KCNQ3: variants seen among roughly 807,000 people sequenced by gnomAD.
KCNQ3 encodes potassium voltage-gated channel subfamily KQT member 3.
In KCNQ3, 30 loss-of-function variants were observed where a neutral mutation model predicts 92.5. The observed-to-expected ratio is 0.32, with a 90% CI of 0.24 to 0.44. The LOEUF is 0.44. Among genes scored for constraint, KCNQ3 ranks in the 20% least tolerant of loss-of-function variants. The pLI is 1.00. For missense variants in KCNQ3, 913 were observed against 1,140.3 expected (o/e 0.80, Z 2.87); for synonymous variants, 450 against 468.8 (o/e 0.96, Z 0.52).
chr8:132,394,106 ACT>A (rs1251923898), intron 1 of KCNQ3, among the ~76,000 whole-genome samples: 1 of 152,088 alleles, frequency 6.6e-6, no homozygotes, highest in African/African-American at 2.4e-5. Flanking sequence ...TAGAAACCTG[ACT>A]CTGATTCAGG....
intron 9 of KCNQ3, among the ~76,000 whole-genome samples, chr8:132,158,314 T>G (rs1181763935): frequency 6.6e-6 from 1 of 152,214 alleles, no homozygotes; most frequent in Non-Finnish European, 1.5e-5. Context: ...TGGAAGGTGT[T>G]TGATTGCCAA....
At chr8:132,478,069 T>C (rs1161978573) in intron 1 of KCNQ3, among the ~76,000 whole-genome samples, 1 of 152,224 alleles carries the variant, frequency 6.6e-6, no homozygotes, top group African/African-American at 2.4e-5. Context: ...ATTTGCATAT[T>C]TGCATATATA....
At chr8:132,305,923 C>A (rs143532942) in intron 1 of KCNQ3, among the ~76,000 whole-genome samples, 11 of 149,814 alleles carry the variant, frequency 7.3e-5, no homozygotes, top group African/African-American at 2.5e-4. Flanking sequence ...AATGTGTGGG[C>A]AAACTGAGTT....
At chr8:132,327,981 C>CT (rs1818109365) in intron 1 of KCNQ3, among the ~76,000 whole-genome samples, 1 of 152,128 alleles carries the variant, frequency 6.6e-6, no homozygotes, top group Non-Finnish European at 1.5e-5. Flanking sequence ...TCTCCAGACT[C>CT]TATCCCACAA....
intron 8 of KCNQ3, among the ~76,000 whole-genome samples, chr8:132,169,963 C>T (rs1826268306): frequency 6.6e-6 from 1 of 152,058 alleles, no homozygotes; most frequent in Non-Finnish European, 1.5e-5. Flanking sequence ...ACCTCCATTT[C>T]CTGGGTTCAA....
At chr8:132,191,004 G>A (rs559088703) in intron 1 of KCNQ3, among the ~76,000 whole-genome samples, 1 of 152,190 alleles carries the variant, frequency 6.6e-6, no homozygotes, top group Admixed American at 6.5e-5. Flanking sequence ...TATGTTTAGA[G>A]AATGAATACA....
rs112973006 is a variant in KCNQ3, at chr8:132,398,539, C to T, written c.386+81608G>A. On this transcript the variant is annotated intron_variant, in intron 1 of 14. Transcript: ENST00000388996. ...ATGTCAAAATCTCATTTGGGGTGCC[C>T]GAAGAACTCAACATTTCATTAAAGG... is the stretch of plus-strand genomic sequence containing the variant. Among the ~76,000 whole-genome samples the T allele has an allele frequency of 2.3e-3, 357 of 152,196 alleles. 2 individuals are homozygous for T. The highest frequency in any genetic ancestry group is 7.7e-3 in the African/African-American group (320 of 41,526).
chr8:132,375,938 G>A (rs1052486204), intron 1 of KCNQ3, among the ~76,000 whole-genome samples: 2 of 152,160 alleles, frequency 1.3e-5, no homozygotes, highest in Non-Finnish European at 2.9e-5. Flanking sequence ...AATTATTCAG[G>A]TTAGAAATCT....
intron 1 of KCNQ3, among the ~76,000 whole-genome samples, chr8:132,471,543 A>G (rs548693545): frequency 1.3e-5 from 2 of 152,308 alleles, no homozygotes; most frequent in Non-Finnish European, 2.9e-5. Flanking sequence ...GGTGTTTTAT[A>G]TCCATCATCT....
intron 1 of KCNQ3, among the ~76,000 whole-genome samples, chr8:132,445,386 C>G (rs1025110195): frequency 1.3e-5 from 2 of 152,310 alleles, no homozygotes; most frequent in South Asian, 4.1e-4. Context: ...TTTCCCGCCT[C>G]TCTCCTCCAG....
rs377445315 is a variant in KCNQ3 at position 132,380,314 on chromosome 8, C to T, written c.386+99833G>A. ...TGTGGGGCTACCACAGAGCACATAG[C>T]CCCTTCCAACCTCACTAATTACACG... On this transcript the variant is annotated intron_variant, in intron 1 of 14. Transcript: ENST00000388996. Among the ~76,000 whole-genome samples, 16 of 152,168 alleles carry T rather than the reference C, an allele frequency of 1.1e-4. No individual in the cohort carries two copies. The East Asian group carries it at 1.3e-3, about 13-fold the overall frequency.
At chr8:132,274,662 C>A (rs1000892385) in intron 1 of KCNQ3, among the ~76,000 whole-genome samples, 1 of 152,134 alleles carries the variant, frequency 6.6e-6, no homozygotes, top group African/African-American at 2.4e-5. Flanking sequence ...GTGACACATG[C>A]CAGGCTAGGG....
At chr8:132,456,182 C>T (rs1298291462) in intron 1 of KCNQ3, among the ~76,000 whole-genome samples, 1 of 152,206 alleles carries the variant, frequency 6.6e-6, no homozygotes, top group African/African-American at 2.4e-5. Context: ...CAAAAAGCCT[C>T]TGTCACCTGA....
chr8:132,324,271 T>G (rs2130644158), intron 1 of KCNQ3, among the ~76,000 whole-genome samples: 1 of 152,304 alleles, frequency 6.6e-6, no homozygotes, highest in Non-Finnish European at 1.5e-5. Context: ...GTGCCTTTAC[T>G]TCATTCTAAT....
chr8:132,443,323 A>G (rs1460504609), intron 1 of KCNQ3, among the ~76,000 whole-genome samples: 1 of 151,970 alleles, frequency 6.6e-6, no homozygotes, highest in African/African-American at 2.4e-5. Flanking sequence ...TTCACCGCTA[A>G]AGGCACCACC....
intron 8 of KCNQ3, among the ~76,000 whole-genome samples, chr8:132,168,906 C>G (rs968413585): frequency 5.3e-5 from 8 of 151,860 alleles, no homozygotes; most frequent in African/African-American, 1.9e-4. Context: ...CCAGCCCCAA[C>G]TATGAGGCTA....
intron 1 of KCNQ3, among the ~76,000 whole-genome samples, chr8:132,416,959 C>T (rs772718740): frequency 1.3e-5 from 2 of 152,124 alleles, no homozygotes; most frequent in Admixed American, 6.5e-5. Context: ...CAAGGGGACA[C>T]GTCTGAGGGA....
intron 1 of KCNQ3, among the ~76,000 whole-genome samples, chr8:132,440,534 G>A (rs1038191196): frequency 6.6e-6 from 1 of 152,158 alleles, no homozygotes; most frequent in Admixed American, 6.6e-5. Flanking sequence ...TGAATGTGTT[G>A]GTCACCGCCC....
chr8:132,150,113 T>C (rs1825590397), intron 9 of KCNQ3, among the ~76,000 whole-genome samples: 1 of 151,802 alleles, frequency 6.6e-6, no homozygotes, highest in Non-Finnish European at 1.5e-5. Flanking sequence ...TTTGTTGGGC[T>C]GGGAATGATG....
Sources: allele counts gnomAD v4.1 joint callset (sites outside exome capture counted in the v4.1 genomes callset), GRCh38; gene constraint gnomAD v4.1.1; transcripts MANE v1.5; gene names NCBI Gene and HGNC (gene_info 2026-07-23, HGNC 2026-07-21).